Variants in GRIK4 observed in about 807,000 individuals in gnomAD.
GRIK4 encodes glutamate ionotropic receptor kainate type subunit 4, also known as glutamate receptor ionotropic, kainate 4.
GRIK4 carries 40 observed loss-of-function variants against 104.9 expected under a neutral mutation model. The observed-to-expected ratio is 0.38, with a 90% confidence interval of 0.30 to 0.50. GRIK4 has a LOEUF of 0.50. Ranked by LOEUF, GRIK4 falls within the 20% of genes least tolerant of loss-of-function variation. The probability of loss-of-function intolerance (pLI) is 0.93; values close to 1 mark genes in which losing one functional copy is unlikely to be tolerated. For missense variants in GRIK4, 1,047 were observed against 1,308.1 expected, an observed-to-expected ratio of 0.80 and a Z score of 3.08; for synonymous variants, 485 against 524.9, an observed-to-expected ratio of 0.92 and a Z score of 1.04.
At chr11:120,796,848 G>A (rs576818647) in intron 3 of GRIK4, among the ~76,000 whole-genome samples, 6 of 143,840 alleles carry the variant, frequency 4.2e-5, no homozygotes, top group East Asian at 2.1e-4. Context: ...TCTCGGGGTC[G>A]CCACGGCCAC....
At chr11:120,802,190 C>G (rs1247889363) in intron 3 of GRIK4, among the ~76,000 whole-genome samples, 1 of 152,190 alleles carries the variant, frequency 6.6e-6, no homozygotes, top group Non-Finnish European at 1.5e-5. Flanking sequence ...GGTGTCAGAG[C>G]CTGGGGAGCC....
At chr11:120,692,158 A>G (rs1016700074) in intron 3 of GRIK4, among the ~76,000 whole-genome samples, 8 of 152,220 alleles carry the variant, frequency 5.3e-5, no homozygotes, top group Non-Finnish European at 1.2e-4. Context: ...GTTGTCTTCC[A>G]TGGCACTTGC....
At chr11:120,570,381 C>T (rs559309207) in intron 1 of GRIK4, among the ~76,000 whole-genome samples, 91 of 152,208 alleles carry the variant, frequency 6.0e-4, no homozygotes, top group African/African-American at 2.1e-3. Flanking sequence ...CTGAGATTTC[C>T]ACATCTCTAT....
At chr11:120,781,370 A>G (rs1354349924) in intron 3 of GRIK4, among the ~76,000 whole-genome samples, 1 of 152,070 alleles carries the variant, frequency 6.6e-6, no homozygotes, top group African/African-American at 2.4e-5. Flanking sequence ...TATTTTTTAG[A>G]GATAAATTCT....
Position 120,902,807 on chromosome 11 carries a change from T to C in GRIK4, c.1273-2483T>C, listed in dbSNP as rs1252256695. 6.6e-6 allele frequency among the ~76,000 whole-genome samples: 1 copy of C among 151,932 alleles called. No homozygotes were observed. The highest frequency in any genetic ancestry group is 1.5e-5 in the Non-Finnish European group (1 of 67,974). ...AAAGATGACTAGGTGAGGTGGAAGATGGGGGAGTGTGTGGAGAGTTTGTGC... is the reference window on the plus strand; with the variant it reads ...AAAGATGACTAGGTGAGGTGGAAGACGGGGGAGTGTGTGGAGAGTTTGTGC... On this transcript the variant is annotated intron_variant, in intron 12 of 20. Transcript: ENST00000527524. The surrounding 1 kb of genome is among the most constrained non-coding windows in gnomAD (Gnocchi z 4.5).
intron 3 of GRIK4, among the ~76,000 whole-genome samples, chr11:120,709,142 T>C (rs1206986950): frequency 1.3e-5 from 2 of 152,086 alleles, no homozygotes; most frequent in African/African-American, 4.8e-5. Context: ...CTGGAGACTC[T>C]ATTAAAAATG....
intron 1 of GRIK4, among the ~76,000 whole-genome samples, chr11:120,519,693 C>T (rs1947772729): frequency 6.6e-6 from 1 of 152,120 alleles, no homozygotes; most frequent in Non-Finnish European, 1.5e-5. Flanking sequence ...CCCAAAGTCC[C>T]ATAGCTGGTA....
At chr11:120,668,101 GGATA>G (rs60323501) in intron 3 of GRIK4, among the ~76,000 whole-genome samples, 44,706 of 143,942 alleles carry the variant, frequency 0.31, 6,878 homozygotes, top group South Asian at 0.37. Context: ...ATAGATAGAT[GGATA>G]GATAGATAGA....
chr11:120,771,100 A>G (rs2846092), intron 3 of GRIK4, among the ~76,000 whole-genome samples: 114,747 of 152,132 alleles, frequency 0.75, 43,871 homozygotes, highest in African/African-American at 0.87. Flanking sequence ...GAGTTTTGAG[A>G]TGCATACTAG....
At chr11:120,723,483 C>T (rs1160534300) in intron 3 of GRIK4, among the ~76,000 whole-genome samples, 1 of 152,130 alleles carries the variant, frequency 6.6e-6, no homozygotes, top group African/African-American at 2.4e-5. Context: ...TCTATGGCCT[C>T]GGGCAAATCC....
chr11:120,943,601 C>T (rs1272098291), intron 14 of GRIK4, among the ~76,000 whole-genome samples: 2 of 152,166 alleles, frequency 1.3e-5, no homozygotes, highest in Admixed American at 6.5e-5. Context: ...AAATTAAATA[C>T]TGGGTGTTCG....
At chr11:120,663,608 G>A (rs1216342576) in intron 3 of GRIK4, among the ~76,000 whole-genome samples, 1 of 152,124 alleles carries the variant, frequency 6.6e-6, no homozygotes, top group Non-Finnish European at 1.5e-5. Context: ...CTGAATGAAC[G>A]CTAGGCTCCA....
intron 3 of GRIK4, among the ~76,000 whole-genome samples, chr11:120,710,473 G>A (rs1809143906): frequency 6.6e-6 from 1 of 152,178 alleles, no homozygotes; most frequent in Admixed American, 6.5e-5. Context: ...CTGTAACCAA[G>A]TGCATATAGG....
intron 3 of GRIK4, among the ~76,000 whole-genome samples, chr11:120,746,675 T>A (rs927977301): frequency 6.6e-6 from 1 of 152,194 alleles, no homozygotes; most frequent in Non-Finnish European, 1.5e-5. Context: ...TCAGCCACAA[T>A]CCATTCCCAG....
rs180847827 is a variant in GRIK4 at position 120,613,997 on chromosome 11, A to T, written c.-158-39688A>T. On this transcript the variant is annotated intron_variant, in intron 1 of 20. Transcript: ENST00000527524. ...GTTTTCTCCCAGGAGTTTGGTCTTA[A>T]CCTTAGGTTATCAATTGGTTCACCC... 1.9e-4 allele frequency among the ~76,000 whole-genome samples: 29 copies of T among 152,236 alleles called. No individual in the cohort carries two copies. The East Asian group carries it at 4.6e-3, about 24-fold the overall frequency.
At chr11:120,641,201 G>A (rs967448528) in intron 1 of GRIK4, among the ~76,000 whole-genome samples, 2 of 152,206 alleles carry the variant, frequency 1.3e-5, no homozygotes, top group Non-Finnish European at 2.9e-5. Context: ...TGTATTTGAA[G>A]ACTGTTTGCC....
At chr11:120,668,446 T>C (rs1466781620) in intron 3 of GRIK4, among the ~76,000 whole-genome samples, 1 of 151,662 alleles carries the variant, frequency 6.6e-6, no homozygotes, top group Admixed American at 6.6e-5. Flanking sequence ...GAAAGAGGCT[T>C]ACCTCTCTGA....
intron 1 of GRIK4, among the ~76,000 whole-genome samples, chr11:120,514,531 G>T (rs1291831070): frequency 6.6e-6 from 1 of 152,124 alleles, no homozygotes; most frequent in Non-Finnish European, 1.5e-5. Context: ...CCTTGGTCCT[G>T]CCTGTTCCTC....
In GRIK4 at chr11:120,940,284, G is replaced by A. The variant is rs1354850271; in HGVS notation, c.1477-63G>A. ...CCAATAGCAGTGACGGTTGCTGGTC[G>A]CAAGTCTCTGTGCCTCTTCTCCTAT... On this transcript the variant is annotated intron_variant, in intron 13 of 20. Transcript: ENST00000527524. The surrounding 1 kb of genome is among the most constrained non-coding windows in gnomAD (Gnocchi z 4.3). 1.8e-5 allele frequency: 18 copies of A among 980,320 alleles called. No individual in the cohort carries two copies. The highest frequency in any genetic ancestry group is 2.1e-4 in the Middle Eastern group (1 of 4,720). 60.7% of individuals were successfully genotyped at this position (980,320 alleles called of 1,614,324 possible). A position where few individuals can be genotyped will look rare whatever the true frequency, so the allele number is the denominator to read the frequency against.
Sources: gnomAD v4.1 joint callset for allele counts (sites outside exome capture counted in the v4.1 genomes callset) on GRCh38, gnomAD v4.1.1 for gene constraint, Gnocchi (gnomAD v3.1) non-coding constraint, MANE v1.5 for transcripts, NCBI Gene and HGNC (gene_info 2026-07-23, HGNC 2026-07-21) for gene names.